The following PITPNM3 variants were observed in gnomAD, a reference collection of about 807,000 sequenced individuals.
The protein encoded by PITPNM3 is PITPNM family member 3.
Under a neutral mutation model 102.0 loss-of-function variants are expected in PITPNM3, and 26 were observed. The ratio of observed to expected loss-of-function variants is 0.25; its 90% CI spans 0.19 to 0.35. The LOEUF (loss-of-function observed/expected upper bound fraction) is 0.35. Among genes scored for constraint, PITPNM3 ranks in the 10% least tolerant of loss-of-function variants. PITPNM3 has a pLI of 1.00. For synonymous variants in PITPNM3, 578 were observed against 558.6 expected, an observed-to-expected ratio of 1.03 and a Z score of -0.49; for missense variants, 1,083 against 1,346.1, an observed-to-expected ratio of 0.80 and a Z score of 3.06.
chr17:6,548,879 A>G (rs773168242), intron 1 of PITPNM3, among the ~76,000 whole-genome samples: 3 of 152,010 alleles, frequency 2.0e-5, no homozygotes, highest in Non-Finnish European at 4.4e-5. Flanking sequence ...ACGCGTTTCT[A>G]TTTTTGCTTT....
At chr17:6,496,827 T>A (rs1429115271) in intron 4 of PITPNM3, among the ~76,000 whole-genome samples, 1 of 152,128 alleles carries the variant, frequency 6.6e-6, no homozygotes, top group Non-Finnish European at 1.5e-5. Flanking sequence ...GCCCAGATGC[T>A]ATGTAGATAG....
At position 6,463,825 on chromosome 17, in the gene PITPNM3, C is replaced by T. The variant is rs141505776; in HGVS notation, c.2213G>A (p.Cys738Tyr). 1.9e-6 allele frequency: 3 copies of T among 1,613,858 alleles called. No homozygotes were observed. Among genetic ancestry groups the T allele is most frequent in the Non-Finnish European group, 1.7e-6 (2 of 1,179,998 alleles). The change falls in exon 17 of 20, where the codon TGT becomes TAT. Residue 738 changes from cysteine to tyrosine, a missense_variant. By Grantham distance (194) the Cys-to-Tyr change is radical. This residue lies in a region of PITPNM3 where 410 missense variants were observed against 638.4 expected (regional missense o/e 0.64). Coordinates refer to ENST00000262483, the MANE Select transcript of PITPNM3 (RefSeq NM_031220.4). ...YLTVLPRGME[C>Y]VVFSIDGSFA... ...GGACCCATCAATGCTGAACACTACA[C>T]ACTCCATGCCCCTGGGCAACACCGT...
In PITPNM3 at chr17:6,474,474, G is replaced by A. The variant is rs1021691512; in HGVS notation, c.1216C>T (p.Leu406=). Reference sequence around the variant, plus strand: ...ACCGTCCTCCGCATGGCCAGGACCAGGCCCAGTGGCGAGCCGAAGAGGAAG... The same window carrying A: ...ACCGTCCTCCGCATGGCCAGGACCAAGCCCAGTGGCGAGCCGAAGAGGAAG... The part of the protein sequence containing the change: ...DFFLFGSPLG[L]VLAMRRTVLP... The change falls in exon 10 of 20, where the codon CTG becomes TTG. Residue 406 remains leucine, a synonymous_variant. Coordinates refer to ENST00000262483, the MANE Select transcript of PITPNM3 (RefSeq NM_031220.4). The A allele has an allele frequency of 1.2e-5, 20 of 1,613,520 alleles. No individual in the cohort carries two copies. The highest frequency in any genetic ancestry group is 1.7e-5 in the Non-Finnish European group (20 of 1,179,936).
chr17:6,464,694 C>T lies in PITPNM3; in HGVS notation c.1968G>A (p.Met656Ile), dbSNP rs1278984889. Residue 656 changes from methionine (M) to isoleucine (I), a missense_variant, in exon 15 of 20, where the codon ATG becomes ATA. Coordinates refer to ENST00000262483, the MANE Select transcript of PITPNM3 (RefSeq NM_031220.4). ...GAGCCACCATGTCGAGGGGCCCGTA[C>T]ATGAACCGCCCCACCAGGACCTGGG... Reference protein sequence around the residue: ...DGPQVLVGRFMYGPLDMVALT... With the variant: ...DGPQVLVGRFIYGPLDMVALT... 1 of 1,614,222 alleles carries T rather than the reference C, an allele frequency of 6.2e-7. No individual in the cohort carries two copies. The highest frequency in any genetic ancestry group is 8.5e-7 in the Non-Finnish European group (1 of 1,180,050).
In PITPNM3 at chr17:6,455,617, G is replaced by A. The variant is rs768842104; in HGVS notation, c.2646C>T (p.His882=). The change falls in exon 20 of 20, where the codon CAC becomes CAT. Residue 882 remains histidine, a synonymous_variant. Transcript: ENST00000262483. The stretch of plus-strand genomic sequence containing the variant: ...GGTGGCTGGCCTCCAGCGCGGCCAG[G>A]TGTGCGGCGTAGCCCTCGCTCAGGA... ...CQFLSEGYAA[H]LAALEASHRS... 15 of 1,586,626 alleles carry A rather than the reference G, an allele frequency of 9.5e-6. No individual in the cohort carries two copies. The South Asian group carries it at 1.7e-4, about 18-fold the overall frequency.
intron 2 of PITPNM3, among the ~76,000 whole-genome samples, chr17:6,528,065 C>T (rs1020483801): frequency 5.9e-5 from 9 of 152,176 alleles, no homozygotes; most frequent in African/African-American, 2.2e-4. Flanking sequence ...AGAGTCTCAC[C>T]GTGCTTCTCT....
At chr17:6,534,518 G>C (rs1909308641) in intron 2 of PITPNM3, among the ~76,000 whole-genome samples, 1 of 152,224 alleles carries the variant, frequency 6.6e-6, no homozygotes, top group Admixed American at 6.5e-5. Flanking sequence ...GTCCTAATCG[G>C]TAACACATCA....
intron 1 of PITPNM3, among the ~76,000 whole-genome samples, chr17:6,551,155 A>C (rs1005505727): frequency 1.3e-5 from 2 of 151,914 alleles, no homozygotes; most frequent in Non-Finnish European, 2.9e-5. Context: ...CAGGAGATTG[A>C]GACCATCCTG....
chr17:6,521,573 C>T (rs546032786), intron 3 of PITPNM3, among the ~76,000 whole-genome samples: 4 of 151,304 alleles, frequency 2.6e-5, no homozygotes, highest in South Asian at 4.2e-4. Flanking sequence ...AATAACAACA[C>T]GCTTCTGGGT....
intron 3 of PITPNM3, among the ~76,000 whole-genome samples, chr17:6,524,974 A>G (rs1908743721): frequency 6.6e-6 from 1 of 152,134 alleles, no homozygotes; most frequent in Admixed American, 6.5e-5. Flanking sequence ...CTCTCCCCTT[A>G]GACCTCAGCT....
Position 6,455,143 on chromosome 17 carries a change from A to T in PITPNM3, c.*195T>A. On this transcript the variant is annotated 3_prime_UTR_variant, in exon 20 of 20. Transcript: ENST00000262483. ...GCAGTGGCTGCACCGAGATCCCCGG[A>T]CCTCACCCCGTCGCAGCTCAGGGAG... The T allele has an allele frequency of 1.5e-6, 1 of 653,712 alleles. No individual in the cohort carries two copies. Among genetic ancestry groups the T allele is most frequent in the Non-Finnish European group, 2.4e-6 (1 of 410,086 alleles). 40.5% of individuals were successfully genotyped at this position (653,712 alleles called of 1,614,324 possible).
At chr17:6,529,403 A>G (rs1472226569) in intron 2 of PITPNM3, among the ~76,000 whole-genome samples, 1 of 151,984 alleles carries the variant, frequency 6.6e-6, no homozygotes, top group Non-Finnish European at 1.5e-5. Context: ...GACCAACCTG[A>G]CCAACATGGT....
At chr17:6,471,925 T>C (rs11653127) in intron 11 of PITPNM3, among the ~76,000 whole-genome samples, 259 of 152,226 alleles carry the variant, frequency 1.7e-3, no homozygotes, top group Admixed American at 3.3e-3. Context: ...AAAGGCTCCA[T>C]TGAATTAGGG....
At chr17:6,474,833 G>A (rs1905231611) in intron 9 of PITPNM3, among the ~76,000 whole-genome samples, 1 of 152,232 alleles carries the variant, frequency 6.6e-6, no homozygotes, top group East Asian at 1.9e-4. Flanking sequence ...TCTGCAAAGG[G>A]CCAGAGAGTC....
chr17:6,472,493 T>G lies in PITPNM3; in HGVS notation c.1429+164A>C, dbSNP rs1375295734. On this transcript the variant is annotated intron_variant, in intron 11 of 19. Transcript: ENST00000262483. The surrounding 1 kb of genome is among the most constrained non-coding windows in gnomAD (Gnocchi z 4.1). ...CAAGATGCCTCAGACAAGCAGGTGC[T>G]TAGCACAGGTGGGCGACTCTGAAGA... Among the ~76,000 whole-genome samples the G allele has an allele frequency of 2.0e-5, 3 of 152,212 alleles. No individual in the cohort carries two copies. The highest frequency in any genetic ancestry group is 2.9e-5 in the Non-Finnish European group (2 of 68,030).
At chr17:6,485,254 G>T (rs916014330) in intron 4 of PITPNM3, among the ~76,000 whole-genome samples, 1 of 151,616 alleles carries the variant, frequency 6.6e-6, no homozygotes, top group Non-Finnish European at 1.5e-5. Flanking sequence ...CGCTTCCCGG[G>T]TTCAAGTGAT....
intron 3 of PITPNM3, among the ~76,000 whole-genome samples, chr17:6,521,764 G>A (rs925231908): frequency 6.6e-6 from 1 of 152,136 alleles, no homozygotes; most frequent in Admixed American, 6.5e-5. Context: ...GAGGAGATCC[G>A]TGAATCCCAT....
rs142688061 is a variant in PITPNM3, at chr17:6,469,730, C to T, written c.1773+530G>A. Among the ~76,000 whole-genome samples the T allele has an allele frequency of 6.6e-6, 1 of 152,280 alleles. No homozygotes were observed. Among genetic ancestry groups the T allele is most frequent in the African/African-American group, 2.4e-5 (1 of 41,554 alleles). On this transcript the variant is annotated intron_variant, in intron 13 of 19. Transcript: ENST00000262483. The surrounding 1 kb of genome is among the most constrained non-coding windows in gnomAD (Gnocchi z 4.0). ...GCAGCCTCAGCCTCAGGGTTTCCTT[C>T]AAAAAACACAAGCCAGTTGCTATTT...
rs886663019 is a variant in PITPNM3 at position 6,455,168 on chromosome 17, G to GC, written c.*169dup. 4.8e-5 allele frequency: 41 copies of GC among 855,712 alleles called. No individual in the cohort carries two copies. Among genetic ancestry groups the GC allele is most frequent in the African/African-American group, 4.5e-4 (25 of 55,398 alleles). The allele number at this position is 855,712 out of a possible 1,614,324, so 53.0% of individuals were successfully genotyped here. A position where few individuals can be genotyped will look rare whatever the true frequency, so the allele number is the denominator to read the frequency against. ...ACCTCACCCCGTCGCAGCTCAGGGA[G>GC]CCCCCCGGGCTCGGGCAGGATCCCT... On this transcript the variant is annotated 3_prime_UTR_variant, in exon 20 of 20. Transcript: ENST00000262483.
Sources: gnomAD v4.1 joint callset for allele counts (sites outside exome capture counted in the v4.1 genomes callset) on GRCh38, gnomAD v4.1.1 for gene constraint, gnomAD v4.1.1 regional missense constraint, Gnocchi (gnomAD v3.1) non-coding constraint, MANE v1.5 for transcripts, NCBI Gene and HGNC (gene_info 2026-07-23, HGNC 2026-07-21) for gene names.